The following STK40 variants were observed in gnomAD, a reference collection of about 807,000 sequenced individuals.
STK40 encodes the protein serine/threonine-protein kinase 40.
In STK40, 13 loss-of-function variants were observed where a neutral mutation model predicts 47.9. The observed-to-expected ratio is 0.27, with a 90% CI of 0.18 to 0.43. The LOEUF is 0.43. STK40 is among the 20% of genes least tolerant of loss of function. STK40 has a pLI of 1.00. For missense variants in STK40, 460 were observed against 595.1 expected (o/e 0.77, Z 2.36); for synonymous variants, 225 against 243.2 (o/e 0.93, Z 0.69).
At chr1:36,343,569 C>A (rs1341301777) in intron 9 of STK40, 121 bp from the exon 10 acceptor site, 5 of 1,055,092 alleles carry the variant, frequency 4.7e-6, no homozygotes, top group Non-Finnish European at 6.8e-6. Context: ...TTCTCTGAGC[C>A]TCAGTTTTCT....
At chr1:36,383,938 A>C (rs1570473022) in intron 1 of STK40, among the ~76,000 whole-genome samples, 1 of 147,110 alleles carries the variant, frequency 6.8e-6, no homozygotes, top group Non-Finnish European at 1.5e-5. Flanking sequence ...TCCCGTCCCC[A>C]CCCCACCCCC....
At chr1:36,377,457 T>A (rs915627051) in intron 1 of STK40, among the ~76,000 whole-genome samples, 9 of 137,290 alleles carry the variant, frequency 6.6e-5, no homozygotes, top group African/African-American at 2.0e-4. Flanking sequence ...TGCTTGAACC[T>A]GGGAGGCGGA....
Position 36,355,430 on chromosome 1 carries a change from G to A in STK40, c.346C>T (p.Arg116Cys), listed in dbSNP as rs1356391159. Residue 116 changes from arginine (R) to cysteine (C), a missense_variant, in exon 5 of 11, where the codon CGC becomes TGC. Coordinates refer to ENST00000373132, the MANE Select transcript of STK40 (RefSeq NM_001282547.2). Reference protein sequence around the residue: ...VVHHHGLFQDRTCEIVEDTES... With the variant: ...VVHHHGLFQDCTCEIVEDTES... Reference sequence around the variant, plus strand: ...GTGTCCTCAACGATTTCACAGGTGCGGTCCTGGGAGGCAAGGGGGTAGCGC... The same window carrying A: ...GTGTCCTCAACGATTTCACAGGTGCAGTCCTGGGAGGCAAGGGGGTAGCGC... 6.2e-7 allele frequency: 1 copy of A among 1,614,126 alleles called. No individual in the cohort carries two copies. The highest frequency in any genetic ancestry group is 8.5e-7 in the Non-Finnish European group (1 of 1,180,032).
intron 6 of STK40, among the ~76,000 whole-genome samples, chr1:36,350,145 A>G (rs966346902): frequency 2.0e-5 from 3 of 152,202 alleles, no homozygotes; most frequent in Admixed American, 6.5e-5. Flanking sequence ...TCCAGCGCCT[A>G]TACAGGTCCG....
Position 36,358,755 on chromosome 1 carries a change from A to G in STK40, c.180T>C (p.Asp60=). 6.2e-7 allele frequency: 1 copy of G among 1,614,170 alleles called. No individual in the cohort carries two copies. Among genetic ancestry groups the G allele is most frequent in the Non-Finnish European group, 8.5e-7 (1 of 1,180,026 alleles). Residue 60 remains aspartate, a synonymous_variant, in exon 3 of 11, where the codon GAT becomes GAC. Coordinates refer to ENST00000373132, the MANE Select transcript of STK40 (RefSeq NM_001282547.2). The stretch of plus-strand genomic sequence containing the variant: ...CACTTACCTTCAGCTGATAGAAGTC[A>G]TCCGTGCCATCTTTCCTCGCCAAAC... ...VQCLARKDGT[D]DFYQLKILTL...
At chr1:36,361,736 G>A (rs1203513004) in intron 1 of STK40, among the ~76,000 whole-genome samples, 1 of 151,948 alleles carries the variant, frequency 6.6e-6, no homozygotes, top group Non-Finnish European at 1.5e-5. Flanking sequence ...CAGCCCTGAG[G>A]TGAGCAACTG....
chr1:36,379,901 C>A (rs891025350), intron 1 of STK40, among the ~76,000 whole-genome samples: 4 of 152,150 alleles, frequency 2.6e-5, no homozygotes, highest in African/African-American at 9.7e-5. Context: ...CTAAGGTGGG[C>A]AAAATCATAT....
At chr1:36,376,081 T>C (rs1024090416) in intron 1 of STK40, among the ~76,000 whole-genome samples, 2 of 151,942 alleles carry the variant, frequency 1.3e-5, no homozygotes, top group Non-Finnish European at 2.9e-5. Context: ...TTTCTGAAGT[T>C]TGACTGAATG....
At chr1:36,348,918 A>G (rs959620214) in intron 6 of STK40, 103 bp from the exon 7 acceptor site, 11 of 953,008 alleles carry the variant, frequency 1.2e-5, no homozygotes, top group South Asian at 7.1e-5. Context: ...AATCCTGAAC[A>G]GTAGGAGGTA....
intron 1 of STK40, among the ~76,000 whole-genome samples, chr1:36,373,418 A>G (rs1403856453): frequency 6.6e-6 from 1 of 152,114 alleles, no homozygotes; most frequent in Non-Finnish European, 1.5e-5. Flanking sequence ...CCCTTCTATT[A>G]TTGAAAAAGC....
chr1:36,360,559 A>T (rs1199859326), intron 2 of STK40, among the ~76,000 whole-genome samples: 1 of 150,666 alleles, frequency 6.6e-6, no homozygotes, highest in Non-Finnish European at 1.5e-5. Context: ...TTTTAGAGAG[A>T]GAGTCTCGCA....
chr1:36,376,642 G>A (rs1646994614), intron 1 of STK40, among the ~76,000 whole-genome samples: 3 of 152,120 alleles, frequency 2.0e-5, no homozygotes, highest in Admixed American at 2.0e-4. Context: ...GCTAGACAAT[G>A]GATACTATGC....
chr1:36,381,728 A>T (rs772105090), intron 1 of STK40, among the ~76,000 whole-genome samples: 1 of 152,074 alleles, frequency 6.6e-6, no homozygotes, highest in Non-Finnish European at 1.5e-5. Flanking sequence ...GGCTCAAGCG[A>T]TCCTCCTGCC....
chr1:36,377,603 TGA>T (rs1407956763), intron 1 of STK40, among the ~76,000 whole-genome samples: 1 of 149,978 alleles, frequency 6.7e-6, no homozygotes, highest in African/African-American at 2.5e-5. Context: ...AAGGCAGACT[TGA>T]GAGAGTATGG....
intron 6 of STK40, among the ~76,000 whole-genome samples, chr1:36,350,524 T>C (rs376363722): frequency 6.6e-6 from 1 of 152,234 alleles, no homozygotes; most frequent in Admixed American, 6.5e-5. Flanking sequence ...AATCTCTTGC[T>C]AAACCTCAAT....
chr1:36,364,150 CA>C (rs1646881207), intron 1 of STK40, among the ~76,000 whole-genome samples: 1 of 151,890 alleles, frequency 6.6e-6, no homozygotes, highest in Non-Finnish European at 1.5e-5. Flanking sequence ...GACTCCGTCT[CA>C]AAAGAAAAAA....
intron 3 of STK40, 109 bp from the exon 4 acceptor site, chr1:36,358,491 C>A: frequency 7.0e-7 from 1 of 1,419,106 alleles, no homozygotes; most frequent in Non-Finnish European, 9.5e-7. Context: ...CATTTGTGCA[C>A]AATGCACACA....
chr1:36,374,907 A>G (rs1646979078), intron 1 of STK40, among the ~76,000 whole-genome samples: 1 of 152,272 alleles, frequency 6.6e-6, no homozygotes, highest in East Asian at 1.9e-4. Context: ...AGCTCCAACC[A>G]TCAGTTGTTG....
chr1:36,364,821 T>A (rs1351759065), intron 1 of STK40, among the ~76,000 whole-genome samples: 3 of 152,118 alleles, frequency 2.0e-5, no homozygotes, highest in Non-Finnish European at 4.4e-5. Context: ...TTACATTTTT[T>A]AAATTAAAAT....
Sources: gnomAD v4.1 joint callset for allele counts (sites outside exome capture counted in the v4.1 genomes callset) on GRCh38, gnomAD v4.1.1 for gene constraint, MANE v1.5 for transcripts, NCBI Gene and HGNC (gene_info 2026-07-23, HGNC 2026-07-21) for gene names.